The following KPNA7 variants were observed in gnomAD, a reference collection of about 807,000 sequenced individuals.
The protein encoded by KPNA7 is karyopherin subunit alpha 7, also known as importin subunit alpha-8.
KPNA7 carries 54 observed loss-of-function variants against 53.7 expected under a neutral mutation model. That is an observed-to-expected ratio of 1.01 (90% confidence interval 0.81 to 1.26). The LOEUF (loss-of-function observed/expected upper bound fraction) is 1.26, where lower values mean the gene tolerates loss of function less well. Among genes scored for constraint, KPNA7 ranks in the 50% most tolerant of loss-of-function variants. The probability of loss-of-function intolerance (pLI) is 0.00; values close to 1 mark genes in which losing one functional copy is unlikely to be tolerated. For synonymous variants in KPNA7, 276 were observed against 259.3 expected, an observed-to-expected ratio of 1.06 and a Z score of -0.62; for missense variants, 640 against 644.5, an observed-to-expected ratio of 0.99 and a Z score of 0.07.
the KPNA7 span, among the ~76,000 whole-genome samples, chr7:99,167,527 A>G: frequency 2.0e-5 from 3 of 150,474 alleles, no homozygotes; most frequent in African/African-American, 7.4e-5. Flanking sequence ...ACCTTGGCTC[A>G]CTGCAACCTC....
intron 10 of KPNA7, among the ~76,000 whole-genome samples, chr7:99,177,714 C>T (rs1019925367): frequency 1.3e-5 from 2 of 152,000 alleles, no homozygotes; most frequent in African/African-American, 4.8e-5. Flanking sequence ...AGAATAGCTT[C>T]CAGGCACCAA....
intron 1 of KPNA7, among the ~76,000 whole-genome samples, chr7:99,218,176 T>C (rs1428711735): frequency 6.6e-6 from 1 of 152,146 alleles, no homozygotes; most frequent in Admixed American, 6.6e-5. Context: ...ATTTTTTTAT[T>C]TTTTGGTAGA....
Position 99,173,683 on chromosome 7 carries a change from T to C in KPNA7, c.*25A>G, listed in dbSNP as rs1480478044. ...GAAGTTATCCTTTAGCACTGGGTTG[T>C]TGGTTTAGGAGGTAGGGAGCTTGGC... On this transcript the variant is annotated 3_prime_UTR_variant, in exon 11 of 11. Transcript: ENST00000327442. 6.9e-7 allele frequency: 1 copy of C among 1,448,222 alleles called. No individual in the cohort carries two copies. Among genetic ancestry groups the C allele is most frequent in the African/African-American group, 1.4e-5 (1 of 71,008 alleles). The allele number at this position is 1,448,222 out of a possible 1,614,324, so 89.7% of individuals were successfully genotyped here.
chr7:99,182,470 G>T (rs1283051854), intron 8 of KPNA7, among the ~76,000 whole-genome samples: 2 of 152,092 alleles, frequency 1.3e-5, no homozygotes, highest in African/African-American at 4.8e-5. Context: ...AAAGTTCTGG[G>T]ATTACAGGCA....
At position 99,173,773 on chromosome 7, in the gene KPNA7, A is replaced by G; in HGVS notation, c.1486T>C (p.Leu496=). The change falls in exon 11 of 11, where the codon TTA becomes CTA. Residue 496 remains leucine (L), a synonymous_variant. Transcript: ENST00000327442. ...FGEEEDESQT[L]LSQVIDQDYE... ...TCTTGGTCTATGACTTGGCTCAGTA[A>G]AGTTTGGCTCTCATCTTCTTCCTTC... 6.4e-7 allele frequency: 1 copy of G among 1,550,932 alleles called. No homozygotes were observed. Among genetic ancestry groups the G allele is most frequent in the Non-Finnish European group, 8.7e-7 (1 of 1,146,052 alleles).
intron 1 of KPNA7, among the ~76,000 whole-genome samples, chr7:99,218,638 AG>A (rs1791270888): frequency 6.6e-6 from 1 of 152,168 alleles, no homozygotes; most frequent in African/African-American, 2.4e-5. Context: ...CTCAAAAACA[AG>A]CCAAAGACGA....
At chr7:99,216,416 G>A (rs1473407625) in intron 1 of KPNA7, among the ~76,000 whole-genome samples, 1 of 152,088 alleles carries the variant, frequency 6.6e-6, no homozygotes, top group Non-Finnish European at 1.5e-5. Flanking sequence ...ATCCACCTAG[G>A]GGTTTTATTT....
chr7:99,210,398 G>A (rs1791034543), upstream of KPNA7, among the ~76,000 whole-genome samples: 1 of 151,456 alleles, frequency 6.6e-6, no homozygotes, highest in Admixed American at 6.6e-5. Context: ...TACTCCCCAT[G>A]GTAACAGTAC....
upstream of KPNA7, among the ~76,000 whole-genome samples, chr7:99,209,266 C>G (rs1302030707): frequency 1.3e-5 from 2 of 152,092 alleles, no homozygotes; most frequent in Non-Finnish European, 2.9e-5. Context: ...ACCCCACACC[C>G]AATGCACCAG....
At chr7:99,163,377 A>ATT in the KPNA7 span, among the ~76,000 whole-genome samples, 309 of 62,302 alleles carry the variant, frequency 5.0e-3, 3 homozygotes, top group Non-Finnish European at 7.6e-3. Flanking sequence ...ATATATATAT[A>ATT]TATATATTTT....
the KPNA7 span, among the ~76,000 whole-genome samples, chr7:99,159,884 C>T: frequency 6.6e-6 from 1 of 151,924 alleles, no homozygotes; most frequent in African/African-American, 2.4e-5. Flanking sequence ...TTATAAGTTC[C>T]CCCCAAGCAA....
At position 99,193,082 on chromosome 7, in the gene KPNA7, T is replaced by G; in HGVS notation, c.573A>C (p.Arg191Ser). ...GNIAGDGPEF[R>S]DNVITSNAIP... ...TGGCATTGCTTGTGATGACGTTATC[T>G]CTGAACTCTGGGCCATCACCTACAA... The change falls in exon 6 of 11, where the codon AGA becomes AGC. Residue 191 changes from arginine to serine, a missense_variant. Arg to Ser is a moderately radical substitution (Grantham distance 110). Transcript: ENST00000327442. The G allele has an allele frequency of 6.7e-7, 1 of 1,503,154 alleles. No homozygotes were observed. Among genetic ancestry groups the G allele is most frequent in the Non-Finnish European group, 8.9e-7 (1 of 1,128,338 alleles). 93.1% of individuals were successfully genotyped at this position (1,503,154 alleles called of 1,614,324 possible).
rs188166053 is a variant in KPNA7, at chr7:99,174,436, G to A, written c.1465-642C>T. Among the ~76,000 whole-genome samples, 11 of 152,124 alleles carry A rather than the reference G, an allele frequency of 7.2e-5. 1 individual carries two copies. The South Asian group carries it at 1.7e-3, about 23-fold the overall frequency. On this transcript the variant is annotated intron_variant, in intron 10 of 10. Coordinates refer to ENST00000327442, the MANE Select transcript of KPNA7 (RefSeq NM_001145715.3). ...AAATGTAATGCTCTTGAATCATCCCGAAACCATCCCCTCACCCCCCAGCCT... is the reference window on the plus strand; with the variant it reads ...AAATGTAATGCTCTTGAATCATCCCAAAACCATCCCCTCACCCCCCAGCCT...
At chr7:99,146,637 G>T in the KPNA7 span, among the ~76,000 whole-genome samples, 1 of 141,488 alleles carries the variant, frequency 7.1e-6, no homozygotes, top group Non-Finnish European at 1.5e-5. Flanking sequence ...ACTTAAACTC[G>T]GGAGGCAGAG....
chr7:99,186,117 C>T (rs1789576046), intron 7 of KPNA7, among the ~76,000 whole-genome samples: 1 of 152,104 alleles, frequency 6.6e-6, no homozygotes, highest in Non-Finnish European at 1.5e-5. Flanking sequence ...CGTATAATGA[C>T]TGAATTAGTA....
chr7:99,166,831 G>A, the KPNA7 span, among the ~76,000 whole-genome samples: 2 of 151,382 alleles, frequency 1.3e-5, no homozygotes, highest in Middle Eastern at 7.1e-3. Flanking sequence ...ATGTCGGCCA[G>A]GCTGGTCTCA....
intron 6 of KPNA7, among the ~76,000 whole-genome samples, chr7:99,189,685 G>A (rs932616865): frequency 5.3e-5 from 8 of 152,042 alleles, no homozygotes; most frequent in Non-Finnish European, 8.8e-5. Flanking sequence ...GCAGTGCCGT[G>A]ATCATAGCTC....
chr7:99,166,618 CTATTT>C, the KPNA7 span, among the ~76,000 whole-genome samples: 20 of 149,428 alleles, frequency 1.3e-4, no homozygotes, highest in African/African-American at 2.2e-4. Flanking sequence ...CCCGGCCTTT[CTATTT>C]TATTTATTTT....
At position 99,173,765 on chromosome 7, in the gene KPNA7, G is replaced by T; in HGVS notation, c.1494C>A (p.Ser498Arg). Reference sequence around the variant, plus strand: ...ATTCATAATCTTGGTCTATGACTTGGCTCAGTAAAGTTTGGCTCTCATCTT... The same window carrying T: ...ATTCATAATCTTGGTCTATGACTTGTCTCAGTAAAGTTTGGCTCTCATCTT... ...EEEDESQTLL[S>R]QVIDQDYEFI... Residue 498 changes from serine to arginine, a missense_variant, in exon 11 of 11, where the codon AGC becomes AGA. Ser to Arg is a moderately radical substitution (Grantham distance 110). Transcript: ENST00000327442. 2 of 1,551,352 alleles carry T rather than the reference G, an allele frequency of 1.3e-6. No homozygotes were observed. The highest frequency in any genetic ancestry group is 1.7e-6 in the Non-Finnish European group (2 of 1,146,502).
Sources: allele counts gnomAD v4.1 joint callset (sites outside exome capture counted in the v4.1 genomes callset), GRCh38; gene constraint gnomAD v4.1.1; transcripts MANE v1.5; gene names NCBI Gene and HGNC (gene_info 2026-07-23, HGNC 2026-07-21).